DIPK2A: variants seen among roughly 807,000 people sequenced by gnomAD.
DIPK2A encodes Golgi Protein of 49 kDa.
Under a neutral mutation model 39.0 loss-of-function variants are expected in DIPK2A, and 27 were observed. The ratio of observed to expected loss-of-function variants is 0.69; its 90% CI spans 0.51 to 0.96. The LOEUF is 0.96. Ranked by LOEUF, DIPK2A falls within the 40% of genes least tolerant of loss-of-function variation. DIPK2A has a pLI of 0.00. For missense variants in DIPK2A, 528 were observed against 571.3 expected, an observed-to-expected ratio of 0.92 and a Z score of 0.77; for synonymous variants, 298 against 240.8, an observed-to-expected ratio of 1.24 and a Z score of -2.20.
At position 143,990,347 on chromosome 3, in the gene DIPK2A, C is replaced by T. The variant is rs2087964564; in HGVS notation, c.*506C>T. On this transcript the variant is annotated 3_prime_UTR_variant, in exon 3 of 3. Coordinates refer to ENST00000315691, the MANE Select transcript of DIPK2A (RefSeq NM_173552.5). Reference sequence around the variant, plus strand: ...GAAAATTCAGGTTACTGTAGGTGTTCATTTAAATTTTTAATAGTTGTCATT... The same window carrying T: ...GAAAATTCAGGTTACTGTAGGTGTTTATTTAAATTTTTAATAGTTGTCATT... The T allele has an allele frequency of 1.5e-5, 2 of 136,928 alleles. No homozygotes were observed. Among genetic ancestry groups the T allele is most frequent in the African/African-American group, 2.7e-5 (1 of 36,586 alleles). The allele number at this position is 136,928 out of a possible 1,614,324, so 8.5% of individuals were successfully genotyped here. A position where few individuals can be genotyped will look rare whatever the true frequency, so the allele number is the denominator to read the frequency against.
In DIPK2A at chr3:143,972,803, G is replaced by A. The variant is rs548274057; in HGVS notation, c.471G>A (p.Thr157=). The stretch of plus-strand genomic sequence containing the variant: ...TCAACGGCGACGTGCGTCTGCTCAC[G>A]CCCGAGGCGGTGGAGGGCTGGTCGG... ...ARLNGDVRLL[T]PEAVEGWSDL... The change falls in exon 1 of 3, where the codon ACG becomes ACA. Residue 157 remains threonine (T), a synonymous_variant. Coordinates refer to ENST00000315691, the MANE Select transcript of DIPK2A (RefSeq NM_173552.5). 5.1e-5 allele frequency: 80 copies of A among 1,564,970 alleles called. 1 individual carries two copies. In the South Asian group the frequency reaches 9.0e-4, roughly 18 times the overall value.
rs2087655176 is a variant in DIPK2A at position 143,972,085 on chromosome 3, G to A, written c.-248G>A. On this transcript the variant is annotated 5_prime_UTR_variant, in exon 1 of 3. Coordinates refer to ENST00000315691, the MANE Select transcript of DIPK2A (RefSeq NM_173552.5). ...GAGGAGGCGCCGCCGGAGTCGGAGGGCGGGGAGCTAGGAGGAGGGAGCTCG... is the reference window on the plus strand; with the variant it reads ...GAGGAGGCGCCGCCGGAGTCGGAGGACGGGGAGCTAGGAGGAGGGAGCTCG... The A allele has an allele frequency of 2.6e-6, 1 of 384,996 alleles. No individual in the cohort carries two copies. The highest frequency in any genetic ancestry group is 4.6e-6 in the Non-Finnish European group (1 of 218,174). 23.8% of individuals were successfully genotyped at this position (384,996 alleles called of 1,614,324 possible). A position where few individuals can be genotyped will look rare whatever the true frequency, so the allele number is the denominator to read the frequency against.
intron 1 of DIPK2A, among the ~76,000 whole-genome samples, chr3:143,984,396 C>T (rs1204586136): frequency 1.3e-5 from 2 of 152,024 alleles, no homozygotes; most frequent in African/African-American, 4.8e-5. Flanking sequence ...CTTTTGATTT[C>T]AAATGAGATA....
intron 1 of DIPK2A, among the ~76,000 whole-genome samples, chr3:143,980,787 T>G (rs984666243): frequency 2.0e-5 from 3 of 152,170 alleles, no homozygotes; most frequent in African/African-American, 7.2e-5. Context: ...CATCTCTTGG[T>G]CTGTACTTAT....
At chr3:143,979,324 G>A (rs1348478786) in intron 1 of DIPK2A, among the ~76,000 whole-genome samples, 2 of 152,120 alleles carry the variant, frequency 1.3e-5, no homozygotes, top group African/African-American at 4.8e-5. Flanking sequence ...GGATTAAGAA[G>A]TAAAAGGCAA....
rs1322220766 is a variant in DIPK2A at position 143,972,159 on chromosome 3, C to G, written c.-174C>G. 6.1e-6 allele frequency: 3 copies of G among 488,804 alleles called. No homozygotes were observed. The allele number at this position is 488,804 out of a possible 1,614,324, so 30.3% of individuals were successfully genotyped here. On this transcript the variant is annotated 5_prime_UTR_variant, in exon 1 of 3. Transcript: ENST00000315691. ...GGAGAAGTCGCAGCCCGCTCAGGCC[C>G]GCGCCTTCCCGCTCCCCGTCTTCCT...
chr3:143,986,460 T>TA, intron 2 of DIPK2A, among the ~76,000 whole-genome samples: 1 of 152,148 alleles, frequency 6.6e-6, no homozygotes, highest in African/African-American at 2.4e-5. Context: ...TGCGGTGGCT[T>TA]ACGCCTGTAA....
chr3:143,973,745 G>A, intron 1 of DIPK2A: 1 of 606,316 alleles, frequency 1.6e-6, no homozygotes, highest in South Asian at 2.0e-5. Flanking sequence ...AGGCCAGGGC[G>A]AGTATCAGGG....
At position 143,992,281 on chromosome 3, in the gene DIPK2A, T is replaced by G. The variant is rs918644346; in HGVS notation, c.*2440T>G. 2 of 152,656 alleles carry G rather than the reference T, an allele frequency of 1.3e-5. No homozygotes were observed. The highest frequency in any genetic ancestry group is 4.8e-5 in the African/African-American group (2 of 41,454). 9.5% of individuals were successfully genotyped at this position (152,656 alleles called of 1,614,324 possible). On this transcript the variant is annotated 3_prime_UTR_variant, in exon 3 of 3. Transcript: ENST00000315691. Reference sequence around the variant, plus strand: ...GTAAGTTACTGTTAATTTGAATATTTTATTGAACTGTCTCCCTGTGCCTTT... The same window carrying G: ...GTAAGTTACTGTTAATTTGAATATTGTATTGAACTGTCTCCCTGTGCCTTT...
intron 1 of DIPK2A, among the ~76,000 whole-genome samples, chr3:143,984,883 A>G (rs1335521502): frequency 1.3e-5 from 2 of 152,112 alleles, no homozygotes; most frequent in Non-Finnish European, 2.9e-5. Context: ...TCCCTTCCCA[A>G]CCTTTGGATG....
At position 143,991,971 on chromosome 3, in the gene DIPK2A, T is replaced by C. The variant is rs1270660360; in HGVS notation, c.*2130T>C. On this transcript the variant is annotated 3_prime_UTR_variant, in exon 3 of 3. Transcript: ENST00000315691. ...GGTGATTGCTACTTGAGGTAGTTTT[T>C]TACAACTACCATTTCCCCTCCATGA... The C allele has an allele frequency of 3.3e-5, 5 of 152,496 alleles. No individual in the cohort carries two copies. The highest frequency in any genetic ancestry group is 6.5e-5 in the Admixed American group (1 of 15,292). 9.4% of individuals were successfully genotyped at this position (152,496 alleles called of 1,614,324 possible). A position where few individuals can be genotyped will look rare whatever the true frequency, so the allele number is the denominator to read the frequency against.
intron 1 of DIPK2A, chr3:143,978,660 C>CTATATATATATATATCTA (rs1213006964): frequency 2.1e-3 from 162 of 75,994 alleles, no homozygotes; most frequent in African/African-American, 8.0e-3. Flanking sequence ...ATATATATAT[C>CTATATATATATATATCTA]TATATATAGA....
At position 143,984,208 on chromosome 3, in the gene DIPK2A, G is replaced by A. The variant is rs557625230; in HGVS notation, c.658-1335G>A. 7.2e-5 allele frequency among the ~76,000 whole-genome samples: 11 copies of A among 152,270 alleles called. 1 individual carries two copies. The East Asian group carries it at 7.7e-4, about 11-fold the overall frequency. ...GATCACTAAAACATTCTCCCTATTA[G>A]CAGTAAGGCTGTTTTGCTTTCTTAA... On this transcript the variant is annotated intron_variant, in intron 1 of 2. Coordinates refer to ENST00000315691, the MANE Select transcript of DIPK2A (RefSeq NM_173552.5).
At chr3:143,988,986 A>G (rs2087944862) in intron 2 of DIPK2A, among the ~76,000 whole-genome samples, 2 of 152,210 alleles carry the variant, frequency 1.3e-5, no homozygotes, top group African/African-American at 2.4e-5. Flanking sequence ...CGTCACCTGT[A>G]TCTCCTTGCC....
At chr3:143,978,544 T>C (rs2087762588) in intron 1 of DIPK2A, 1 of 151,052 alleles carries the variant, frequency 6.6e-6, no homozygotes, top group South Asian at 2.1e-4. Context: ...AATAACTAAT[T>C]ATTATACAAT....
chr3:143,974,305 T>A (rs1022433558), intron 1 of DIPK2A, among the ~76,000 whole-genome samples: 112 of 152,170 alleles, frequency 7.4e-4, no homozygotes, highest in African/African-American at 2.6e-3. Context: ...GTGTGGGTCT[T>A]AGTAAATTTT....
rs2087949964 is a variant in DIPK2A, at chr3:143,989,527, G to C, written c.979G>C (p.Asp327His). 6.2e-7 allele frequency: 1 copy of C among 1,608,862 alleles called. No homozygotes were observed. Among genetic ancestry groups the C allele is most frequent in the Non-Finnish European group, 8.5e-7 (1 of 1,175,898 alleles). Residue 327 changes from aspartate to histidine, a missense_variant, in exon 3 of 3, where the codon GAT becomes CAT. Asp to His is a moderately conservative substitution (Grantham distance 81). Coordinates refer to ENST00000315691, the MANE Select transcript of DIPK2A (RefSeq NM_173552.5). The part of the protein sequence containing the change: ...LIRQNKPENW[D>H]VWYESKFDDC... ...TTTCACAGATAAACCTGAAAATTGGGATGTATGGTATGAAAGCAAGTTTGA... is the reference window on the plus strand; with the variant it reads ...TTTCACAGATAAACCTGAAAATTGGCATGTATGGTATGAAAGCAAGTTTGA...
intron 1 of DIPK2A, chr3:143,973,479 G>T: frequency 1.9e-6 from 3 of 1,551,462 alleles, no homozygotes; most frequent in South Asian, 2.4e-5. Flanking sequence ...CTTTGTTTTC[G>T]CTCATTTACC....
chr3:143,973,117 G>A (rs1576804382), intron 1 of DIPK2A, 128 bp downstream of exon 1: 2 of 1,300,890 alleles, frequency 1.5e-6, no homozygotes, highest in Non-Finnish European at 1.1e-6. Flanking sequence ...GGCTGCAGGC[G>A]TGGGAAGGGG....
Sources: gnomAD v4.1 joint callset for allele counts (sites outside exome capture counted in the v4.1 genomes callset) on GRCh38, gnomAD v4.1.1 for gene constraint, MANE v1.5 for transcripts, NCBI Gene and HGNC (gene_info 2026-07-23, HGNC 2026-07-21) for gene names.